The following ELP4 variants were observed in gnomAD, a reference collection of about 807,000 sequenced individuals.
ELP4 encodes the protein elongator complex protein 4.
ELP4 carries 51 observed loss-of-function variants against 48.9 expected under a neutral mutation model. That is an observed-to-expected ratio of 1.04 (90% confidence interval 0.83 to 1.32). ELP4 has a LOEUF of 1.32. ELP4 is among the 40% of genes most tolerant of loss of function. The pLI, the probability that ELP4 is intolerant of heterozygous loss-of-function variation, is 0.00. For synonymous variants in ELP4, 210 were observed against 189.2 expected, an observed-to-expected ratio of 1.11 and a Z score of -0.90; for missense variants, 519 against 514.6, an observed-to-expected ratio of 1.01 and a Z score of -0.08.
chr11:31,620,872 T>C (rs770759783), intron 5 of ELP4, among the ~76,000 whole-genome samples: 3 of 151,934 alleles, frequency 2.0e-5, no homozygotes, highest in Non-Finnish European at 4.4e-5. Flanking sequence ...ATTGTTCTTC[T>C]TGGTGCCCTT....
chr11:31,742,131 G>C (rs968888051), intron 9 of ELP4, among the ~76,000 whole-genome samples: 1 of 152,210 alleles, frequency 6.6e-6, no homozygotes, highest in Non-Finnish European at 1.5e-5. Context: ...CGATTAACTG[G>C]AAGAAAGGGT....
chr11:31,748,082 A>G (rs1947636372), intron 9 of ELP4, among the ~76,000 whole-genome samples: 1 of 152,214 alleles, frequency 6.6e-6, no homozygotes, highest in South Asian at 2.1e-4. Context: ...TTTCTTTTAG[A>G]GATAAGCAGC....
At chr11:31,662,636 T>C (rs1454905508) in intron 9 of ELP4, 1 of 397,810 alleles carries the variant, frequency 2.5e-6, no homozygotes, top group Non-Finnish European at 4.4e-6. Context: ...AAAAGCCGCA[T>C]ACTTTAAAGA....
chr11:31,576,752 A>T (rs1294909032), intron 3 of ELP4, among the ~76,000 whole-genome samples: 1 of 152,200 alleles, frequency 6.6e-6, no homozygotes, highest in Non-Finnish European at 1.5e-5. Flanking sequence ...ATGAGAACAA[A>T]GACACAACAT....
rs1038605153 is a variant in ELP4, at chr11:31,777,970, G to T, written c.1144-5423G>T. Reference sequence around the variant, plus strand: ...GCTGCAGAGATGAGTATATCATCCTGCAGTGAGTGCATCAGAGCTGAAAAC... The same window carrying T: ...GCTGCAGAGATGAGTATATCATCCTTCAGTGAGTGCATCAGAGCTGAAAAC... On this transcript the variant is annotated intron_variant, in intron 9 of 9. Coordinates refer to ENST00000640961, the MANE Select transcript of ELP4 (RefSeq NM_019040.5). Among the ~76,000 whole-genome samples the T allele has an allele frequency of 7.2e-5, 11 of 152,180 alleles. No individual in the cohort carries two copies. In the South Asian group the frequency reaches 2.3e-3, roughly 32 times the overall value.
intron 5 of ELP4, among the ~76,000 whole-genome samples, chr11:31,626,240 T>C (rs1484658556): frequency 3.3e-5 from 5 of 151,908 alleles, no homozygotes; most frequent in Non-Finnish European, 5.9e-5. Context: ...CTTCTGCCTA[T>C]GTGATTGCTT....
intron 1 of ELP4, among the ~76,000 whole-genome samples, chr11:31,516,336 A>G (rs1956110938): frequency 6.6e-6 from 1 of 152,224 alleles, no homozygotes; most frequent in African/African-American, 2.4e-5. Flanking sequence ...ATATGTACAG[A>G]AAAAGGCTAT....
chr11:31,704,404 G>A (rs1273626896), intron 9 of ELP4, among the ~76,000 whole-genome samples: 7 of 151,968 alleles, frequency 4.6e-5, no homozygotes, highest in South Asian at 4.2e-4. Flanking sequence ...ACCATACACC[G>A]CATGTTCTCA....
intron 2 of ELP4, among the ~76,000 whole-genome samples, chr11:31,527,489 T>C (rs571265503): frequency 6.6e-6 from 1 of 152,228 alleles, no homozygotes; most frequent in South Asian, 2.1e-4. Flanking sequence ...TCTATATCTG[T>C]TTCTCTTCCT....
chr11:31,682,113 T>C (rs1946066260), intron 9 of ELP4: 3 of 1,229,406 alleles, frequency 2.4e-6, no homozygotes, highest in Admixed American at 3.0e-5. Flanking sequence ...GCTTCTGTAA[T>C]GTCAGCGTCC....
chr11:31,620,305 A>T (rs546907564), intron 5 of ELP4, among the ~76,000 whole-genome samples: 15 of 152,096 alleles, frequency 9.9e-5, no homozygotes, highest in South Asian at 8.3e-4. Context: ...GAGGATAAGG[A>T]TTGACCATGG....
intron 9 of ELP4, among the ~76,000 whole-genome samples, chr11:31,657,700 T>C (rs1397737546): frequency 6.6e-6 from 1 of 151,918 alleles, no homozygotes; most frequent in Non-Finnish European, 1.5e-5. Context: ...ATTTCACATA[T>C]TTAATAAAAA....
At chr11:31,606,244 A>G (rs924667199) in intron 5 of ELP4, among the ~76,000 whole-genome samples, 2 of 152,128 alleles carry the variant, frequency 1.3e-5, no homozygotes, top group Non-Finnish European at 2.9e-5. Context: ...TTAATTTTCA[A>G]AATGGGTACT....
chr11:31,681,247 A>T (rs1946045553), intron 9 of ELP4, among the ~76,000 whole-genome samples: 1 of 152,326 alleles, frequency 6.6e-6, no homozygotes, highest in Middle Eastern at 3.4e-3. Flanking sequence ...ACAGTCATGT[A>T]TAATTAGGCT....
At chr11:31,565,444 T>A (rs1383663902) in intron 3 of ELP4, among the ~76,000 whole-genome samples, 1 of 144,782 alleles carries the variant, frequency 6.9e-6, no homozygotes, top group African/African-American at 2.7e-5. Flanking sequence ...ATGAAGTCCT[T>A]GCCCATGCCT....
intron 3 of ELP4, among the ~76,000 whole-genome samples, chr11:31,562,474 A>G (rs1957038103): frequency 6.6e-6 from 1 of 152,162 alleles, no homozygotes; most frequent in Non-Finnish European, 1.5e-5. Flanking sequence ...AAAAGGATTG[A>G]GAACACTGTC....
intron 9 of ELP4, chr11:31,653,548 A>C (rs73462965): frequency 0.013 from 1,998 of 151,890 alleles, 43 homozygotes; most frequent in African/African-American, 0.043. Flanking sequence ...TTACTAAGAT[A>C]TAATAATAGA....
In ELP4 at chr11:31,739,247, A is replaced by G. The variant is rs1026791340; in HGVS notation, c.1144-44146A>G. 2.6e-5 allele frequency among the ~76,000 whole-genome samples: 4 copies of G among 152,342 alleles called. No individual in the cohort carries two copies. In the East Asian group the frequency reaches 7.7e-4, roughly 29 times the overall value. ...TCTCTGAGACTAAACATTTCTGGAA[A>G]GTATACATGACTATAATTAATTGAA... On this transcript the variant is annotated intron_variant, in intron 9 of 9. Coordinates refer to ENST00000640961, the MANE Select transcript of ELP4 (RefSeq NM_019040.5).
At chr11:31,541,580 C>G (rs1956591743) in intron 3 of ELP4, 1 of 152,066 alleles carries the variant, frequency 6.6e-6, no homozygotes, top group Non-Finnish European at 1.5e-5. Context: ...TTTTGCCAGC[C>G]AGAAGCAGAA....
Sources: allele counts gnomAD v4.1 joint callset (sites outside exome capture counted in the v4.1 genomes callset), GRCh38; gene constraint gnomAD v4.1.1; transcripts MANE v1.5; gene names NCBI Gene and HGNC (gene_info 2026-07-23, HGNC 2026-07-21).